SUMF1: variants seen among roughly 807,000 people sequenced by gnomAD.
SUMF1 encodes formylglycine-generating enzyme.
A neutral mutation model predicts 47.6 loss-of-function variants in SUMF1; 48 were observed. The observed-to-expected ratio is 1.01, with a 90% CI of 0.80 to 1.28. The LOEUF is 1.28. Among genes scored for constraint, SUMF1 ranks in the 50% most tolerant of loss-of-function variants. The probability of loss-of-function intolerance (pLI) is 0.00; values close to 1 mark genes in which losing one functional copy is unlikely to be tolerated. For missense variants in SUMF1, 571 were observed against 485.4 expected (o/e 1.18, Z -1.66); for synonymous variants, 230 against 192.1 (o/e 1.20, Z -1.63).
chr3:4,311,503 C>G (rs1391828340), intron 8 of SUMF1, among the ~76,000 whole-genome samples: 2 of 152,184 alleles, frequency 1.3e-5, no homozygotes, highest in African/African-American at 2.4e-5. Context: ...GAAACTGCTT[C>G]CTGGAAAAGA....
rs577756552 is a variant in SUMF1, at chr3:4,077,933, A to G, written c.1015-9188T>C. ...AAGACCATGCTAAGTCAAGAGAAAG[A>G]GACCATGGAAGAAAGAAAAAAGCTT... On this transcript the variant is annotated intron_variant and NMD_transcript_variant, in intron 8 of 12. Coordinates refer to the SUMF1 transcript ENST00000448413. 2.5e-4 allele frequency among the ~76,000 whole-genome samples: 38 copies of G among 152,236 alleles called. No homozygotes were observed. In the South Asian group the frequency reaches 7.9e-3, roughly 32 times the overall value.
intron 8 of SUMF1, among the ~76,000 whole-genome samples, chr3:4,374,242 C>T (rs140364738): frequency 3.4e-4 from 52 of 152,160 alleles, no homozygotes; most frequent in African/African-American, 1.1e-3. Flanking sequence ...GAAGAACTGT[C>T]GATATTCACA....
chr3:4,255,021 A>T (rs2125015613), intron 8 of SUMF1, among the ~76,000 whole-genome samples: 2 of 151,604 alleles, frequency 1.3e-5, no homozygotes, highest in Middle Eastern at 6.8e-3. Flanking sequence ...ACTAAGCTTC[A>T]TAAGTGAAGG....
Position 4,376,327 on chromosome 3 carries a change from T to C in SUMF1, c.1014+3A>G, listed in dbSNP as rs2124844932. The C allele has an allele frequency of 2.5e-6, 4 of 1,614,160 alleles. No individual in the cohort carries two copies. The highest frequency in any genetic ancestry group is 3.4e-6 in the Non-Finnish European group (4 of 1,179,982). On this transcript the variant is annotated splice_donor_region_variant and intron_variant, in intron 8 of 8. Coordinates refer to ENST00000272902, the MANE Select transcript of SUMF1 (RefSeq NM_182760.4). ...GGCAAAACAGTTTAGTGACATGACTTACCCTATGGCACATGTAGGATCCAC... is the reference window on the plus strand; with the variant it reads ...GGCAAAACAGTTTAGTGACATGACTCACCCTATGGCACATGTAGGATCCAC...
chr3:4,085,396 G>A (rs1044680401), intron 8 of SUMF1, among the ~76,000 whole-genome samples: 3 of 152,018 alleles, frequency 2.0e-5, no homozygotes, highest in Non-Finnish European at 1.5e-5. Context: ...GACAATAGAG[G>A]TGAGGTTGAG....
chr3:4,146,350 G>A (rs1185602654), intron 8 of SUMF1, among the ~76,000 whole-genome samples: 1 of 151,908 alleles, frequency 6.6e-6, no homozygotes, highest in Non-Finnish European at 1.5e-5. Context: ...GAAAAAGAGG[G>A]AGCCACAGTC....
chr3:4,145,754 A>G (rs1694179227), intron 8 of SUMF1, among the ~76,000 whole-genome samples: 1 of 152,064 alleles, frequency 6.6e-6, no homozygotes, highest in African/African-American at 2.4e-5. Flanking sequence ...AATGGTTTCT[A>G]GTTGTTTTGT....
intron 1 of SUMF1, among the ~76,000 whole-genome samples, chr3:4,460,336 ATAC>A (rs892131941): frequency 2.0e-5 from 3 of 152,192 alleles, no homozygotes; most frequent in African/African-American, 7.2e-5. Context: ...CCACGTAAAT[ATAC>A]TACCTGTTTT....
chr3:4,457,827 G>C (rs796646009), intron 1 of SUMF1, among the ~76,000 whole-genome samples: 2 of 152,072 alleles, frequency 1.3e-5, no homozygotes, highest in East Asian at 3.8e-4. Flanking sequence ...CATGACACAG[G>C]CCTGGCAAAG....
At chr3:4,395,993 G>T (rs558643887) in intron 7 of SUMF1, among the ~76,000 whole-genome samples, 13 of 152,302 alleles carry the variant, frequency 8.5e-5, no homozygotes, top group African/African-American at 3.1e-4. Context: ...TGGTATGGCA[G>T]ACATATAATT....
intron 8 of SUMF1, among the ~76,000 whole-genome samples, chr3:4,207,642 T>C (rs532514930): frequency 6.6e-6 from 1 of 152,270 alleles, no homozygotes; most frequent in South Asian, 2.1e-4. Context: ...AACCTTGCCA[T>C]GTGAGGAGCT....
intron 8 of SUMF1, among the ~76,000 whole-genome samples, chr3:4,264,432 A>C (rs1423650886): frequency 1.3e-5 from 2 of 152,212 alleles, no homozygotes; most frequent in Non-Finnish European, 2.9e-5. Flanking sequence ...CCACACTGAC[A>C]AACAGGGGAG....
At chr3:4,259,232 G>A (rs756845161) in intron 8 of SUMF1, among the ~76,000 whole-genome samples, 2 of 151,898 alleles carry the variant, frequency 1.3e-5, no homozygotes, top group Non-Finnish European at 2.9e-5. Flanking sequence ...CCTGCACAAT[G>A]TGCACATGTA....
chr3:4,159,645 G>A (rs1010122487), intron 8 of SUMF1, among the ~76,000 whole-genome samples: 1 of 151,994 alleles, frequency 6.6e-6, no homozygotes, highest in Non-Finnish European at 1.5e-5. Flanking sequence ...AGTAAGGTTT[G>A]TACCTTCAGA....
intron 1 of SUMF1, among the ~76,000 whole-genome samples, chr3:4,464,440 G>C (rs965325563): frequency 6.6e-6 from 1 of 152,102 alleles, no homozygotes; most frequent in Non-Finnish European, 1.5e-5. Context: ...GTGAGAGAGA[G>C]AGAAACACCT....
chr3:4,369,359 C>T (rs1255425746), intron 8 of SUMF1, among the ~76,000 whole-genome samples: 1 of 152,144 alleles, frequency 6.6e-6, no homozygotes, highest in African/African-American at 2.4e-5. Flanking sequence ...AATGGAAGCT[C>T]TCAAATGACT....
chr3:4,345,369 G>A (rs1357781526), intron 8 of SUMF1, among the ~76,000 whole-genome samples: 2 of 152,148 alleles, frequency 1.3e-5, no homozygotes, highest in African/African-American at 4.8e-5. Context: ...AAGACAGTGG[G>A]GGCCAATATT....
intron 8 of SUMF1, among the ~76,000 whole-genome samples, chr3:4,231,319 T>C (rs907704883): frequency 6.6e-6 from 1 of 152,168 alleles, no homozygotes; most frequent in African/African-American, 2.4e-5. Context: ...TCATTGTACA[T>C]AAATGATTTT....
chr3:4,300,420 G>T (rs149420995), intron 8 of SUMF1, among the ~76,000 whole-genome samples: 254 of 151,870 alleles, frequency 1.7e-3, no homozygotes, highest in African/African-American at 6.0e-3. Flanking sequence ...AGCAACACAA[G>T]AAAGTTTTTA....
Sources: allele counts gnomAD v4.1 joint callset (sites outside exome capture counted in the v4.1 genomes callset), GRCh38; gene constraint gnomAD v4.1.1; transcripts MANE v1.5; gene names NCBI Gene and HGNC (gene_info 2026-07-23, HGNC 2026-07-21).